NOX4: variants seen among roughly 807,000 people sequenced by gnomAD.
The protein encoded by NOX4 is NADPH oxidase 4.
Under a neutral mutation model 87.6 loss-of-function variants are expected in NOX4, and 69 were observed. The observed-to-expected ratio is 0.79, with a 90% CI of 0.65 to 0.96. The LOEUF (loss-of-function observed/expected upper bound fraction) is 0.96, where lower values mean the gene tolerates loss of function less well. Among genes scored for constraint, NOX4 ranks in the 40% least tolerant of loss-of-function variants. The pLI is 0.00. For synonymous variants in NOX4, 275 were observed against 238.2 expected (o/e 1.15, Z -1.42); for missense variants, 680 against 681.5 (o/e 1.00, Z 0.02).
intron 2 of NOX4, among the ~76,000 whole-genome samples, chr11:89,454,535 T>A (rs1156900024): frequency 6.6e-6 from 1 of 152,164 alleles, no homozygotes; most frequent in East Asian, 1.9e-4. Flanking sequence ...TAGCCAACTG[T>A]ACTGTTTACA....
the NOX4 span, among the ~76,000 whole-genome samples, chr11:89,567,872 T>C: frequency 6.6e-6 from 1 of 152,202 alleles, no homozygotes; most frequent in Admixed American, 6.5e-5. Context: ...CACTCCACCA[T>C]CACTAGCATG....
chr11:89,385,286 C>G (rs1007530703), intron 11 of NOX4, among the ~76,000 whole-genome samples: 3 of 152,160 alleles, frequency 2.0e-5, no homozygotes, highest in African/African-American at 7.2e-5. Flanking sequence ...CCAAAGGAAG[C>G]TGGAGTCATT....
the NOX4 span, among the ~76,000 whole-genome samples, chr11:89,507,246 T>A: frequency 6.6e-6 from 1 of 151,810 alleles, no homozygotes; most frequent in Non-Finnish European, 1.5e-5. Context: ...GTGGTGATGG[T>A]TTCATGGGTG....
At chr11:89,444,906 T>A (rs1226605297) in intron 4 of NOX4, among the ~76,000 whole-genome samples, 5 of 152,142 alleles carry the variant, frequency 3.3e-5, no homozygotes, top group Non-Finnish European at 5.9e-5. Flanking sequence ...GATGTGAAGA[T>A]GAACTCATTT....
chr11:89,378,427 C>G (rs985344104), intron 11 of NOX4, among the ~76,000 whole-genome samples: 1 of 152,026 alleles, frequency 6.6e-6, no homozygotes, highest in Admixed American at 6.6e-5. Context: ...ATTCTCACTC[C>G]CCTGAACCCT....
the NOX4 span, among the ~76,000 whole-genome samples, chr11:89,558,767 G>T: frequency 6.6e-6 from 1 of 152,010 alleles, no homozygotes; most frequent in Non-Finnish European, 1.5e-5. Flanking sequence ...TTCTTCAATT[G>T]TCAGATTCTT....
the NOX4 span, among the ~76,000 whole-genome samples, chr11:89,541,385 C>T: frequency 3.3e-5 from 5 of 152,130 alleles, no homozygotes; most frequent in Admixed American, 3.3e-4. Flanking sequence ...TCAAGTTTTA[C>T]CAACTACTTC....
intron 13 of NOX4, among the ~76,000 whole-genome samples, chr11:89,352,166 A>G (rs1041491810): frequency 6.6e-6 from 1 of 152,168 alleles, no homozygotes; most frequent in African/African-American, 2.4e-5. Flanking sequence ...CATACAATGT[A>G]TGTTATTCTG....
At chr11:89,576,065 A>G in the NOX4 span, among the ~76,000 whole-genome samples, 1 of 152,240 alleles carries the variant, frequency 6.6e-6, no homozygotes, top group East Asian at 1.9e-4. Context: ...AGCTGAACAA[A>G]TGATTACCTT....
intron 12 of NOX4, 71 bp downstream of exon 12, chr11:89,373,361 T>G (rs1374858967): frequency 1.1e-6 from 1 of 907,246 alleles, no homozygotes; most frequent in East Asian, 2.5e-5. Context: ...GTAGTTATAT[T>G]AAAACACATT....
At chr11:89,562,452 CCACT>C in the NOX4 span, among the ~76,000 whole-genome samples, 3 of 152,108 alleles carry the variant, frequency 2.0e-5, no homozygotes, top group African/African-American at 7.2e-5. Flanking sequence ...TCTATCCCAC[CCACT>C]GATTCCGATA....
At chr11:89,550,703 G>C in the NOX4 span, among the ~76,000 whole-genome samples, 5 of 152,144 alleles carry the variant, frequency 3.3e-5, no homozygotes, top group African/African-American at 1.2e-4. Context: ...CCCTTTGTCA[G>C]ATGGAGAGAT....
chr11:89,484,355 C>T (rs1017598382), intron 2 of NOX4, among the ~76,000 whole-genome samples: 16 of 152,036 alleles, frequency 1.1e-4, no homozygotes, highest in Non-Finnish European at 1.9e-4. Flanking sequence ...AATTTATTGG[C>T]AAGTCTCAAA....
chr11:89,527,736 G>A, the NOX4 span, among the ~76,000 whole-genome samples: 1 of 152,162 alleles, frequency 6.6e-6, no homozygotes, highest in Non-Finnish European at 1.5e-5. Flanking sequence ...GAGGATGTAT[G>A]GAAGTGCCTA....
chr11:89,445,933 A>C (rs1453733819), intron 4 of NOX4, among the ~76,000 whole-genome samples: 3 of 152,170 alleles, frequency 2.0e-5, no homozygotes, highest in Non-Finnish European at 4.4e-5. Flanking sequence ...AAGATAAGCC[A>C]CAGACTGGGA....
chr11:89,453,322 T>A (rs1256014373), intron 2 of NOX4, among the ~76,000 whole-genome samples: 1 of 152,194 alleles, frequency 6.6e-6, no homozygotes. Flanking sequence ...TGTGCCTGGC[T>A]TATTTCACTT....
rs527569403 is a variant in NOX4, at chr11:89,405,240, ATGT to A, written c.630-2701_630-2699del. ...ATGCTCTAGGTCCTTAGAGTAGTGA[ATGT>A]TGTTACTATACAGTAAAGTTCTTCA... On this transcript the variant is annotated intron_variant, in intron 8 of 17. Coordinates refer to ENST00000263317, the MANE Select transcript of NOX4 (RefSeq NM_016931.5). 1.4e-3 allele frequency among the ~76,000 whole-genome samples: 216 copies of A among 152,130 alleles called. 3 individuals carry two copies. Among genetic ancestry groups the A allele is most frequent in the Admixed American group, 7.7e-3 (117 of 15,242 alleles).
chr11:89,466,881 C>T (rs148256823), intron 2 of NOX4, among the ~76,000 whole-genome samples: 1 of 152,134 alleles, frequency 6.6e-6, no homozygotes, highest in African/African-American at 2.4e-5. Context: ...AGAGGGACAT[C>T]CATGCAGGGA....
At chr11:89,445,496 G>A (rs57798253) in intron 4 of NOX4, among the ~76,000 whole-genome samples, 5,343 of 152,098 alleles carry the variant, frequency 0.035, 310 homozygotes, top group African/African-American at 0.12. Context: ...AATCAAGAAT[G>A]TATGGTATTA....
Sources: gnomAD v4.1 joint callset for allele counts (sites outside exome capture counted in the v4.1 genomes callset) on GRCh38, gnomAD v4.1.1 for gene constraint, MANE v1.5 for transcripts, NCBI Gene and HGNC (gene_info 2026-07-23, HGNC 2026-07-21) for gene names.